The following CDK12 variants were observed in gnomAD, a reference collection of about 807,000 sequenced individuals.
The protein encoded by CDK12 is cyclin dependent kinase 12, also known as cyclin-dependent kinase 12.
In CDK12, 17 loss-of-function variants were observed where a neutral mutation model predicts 133.8. The ratio of observed to expected loss-of-function variants is 0.13; its 90% CI spans 0.09 to 0.19. The LOEUF (loss-of-function observed/expected upper bound fraction) is 0.19, where lower values mean the gene tolerates loss of function less well. Among genes scored for constraint, CDK12 ranks in the 10% least tolerant of loss-of-function variants. The pLI is 1.00. For synonymous variants in CDK12, 694 were observed against 683.6 expected, an observed-to-expected ratio of 1.02 and a Z score of -0.24; for missense variants, 1,508 against 1,818.7, an observed-to-expected ratio of 0.83 and a Z score of 3.11.
chr17:39,507,290 A>T (rs1055730769), intron 6 of CDK12, among the ~76,000 whole-genome samples: 1 of 151,960 alleles, frequency 6.6e-6, no homozygotes, highest in Non-Finnish European at 1.5e-5. Context: ...GGGAGTCAGT[A>T]AAAGTGCTAT....
chr17:39,539,015 C>T (rs963187795), downstream of CDK12, among the ~76,000 whole-genome samples: 2 of 152,148 alleles, frequency 1.3e-5, no homozygotes, highest in African/African-American at 4.8e-5. Context: ...ACGTTTTTCT[C>T]TCTAACCACA....
intron 2 of CDK12, among the ~76,000 whole-genome samples, chr17:39,480,595 G>C (rs2050567056): frequency 6.6e-6 from 1 of 151,744 alleles, no homozygotes; most frequent in Non-Finnish European, 1.5e-5. Context: ...CTAATTTTTT[G>C]TATGTGTAGT....
intron 10 of CDK12, among the ~76,000 whole-genome samples, 160 bp downstream of exon 10, chr17:39,517,716 C>G (rs950028443): frequency 6.6e-6 from 1 of 152,134 alleles, no homozygotes; most frequent in Admixed American, 6.5e-5. Flanking sequence ...TATCATAGCC[C>G]TTTTGTAATT....
chr17:39,544,500 C>A, upstream of CDK12: 1 of 287,250 alleles, frequency 3.5e-6, no homozygotes. Flanking sequence ...TTTTTTGAGA[C>A]AGAGTCTCAC....
chr17:39,472,532 G>C (rs2049871753), intron 2 of CDK12, among the ~76,000 whole-genome samples: 1 of 151,962 alleles, frequency 6.6e-6, no homozygotes, highest in East Asian at 2.0e-4. Context: ...AAATTAGCTG[G>C]GCGTGGTGGT....
intron 2 of CDK12, among the ~76,000 whole-genome samples, chr17:39,482,327 A>G (rs761403381): frequency 2.2e-4 from 33 of 151,918 alleles, no homozygotes; most frequent in Non-Finnish European, 3.1e-4. Context: ...CTGTTTTTCT[A>G]ATAGCCTTGT....
At chr17:39,481,846 A>G (rs2050736482) in intron 2 of CDK12, among the ~76,000 whole-genome samples, 1 of 149,624 alleles carries the variant, frequency 6.7e-6, no homozygotes, top group Admixed American at 6.7e-5. Context: ...TCACCCTCCC[A>G]AGTAGCTGGG....
chr17:39,480,808 G>A (rs1273219128), intron 2 of CDK12, among the ~76,000 whole-genome samples: 2 of 152,114 alleles, frequency 1.3e-5, no homozygotes, highest in East Asian at 3.8e-4. Context: ...TCAGCTAATG[G>A]TATTTCAAAA....
chr17:39,464,145 ATCAC>A (rs2049132958), intron 1 of CDK12, among the ~76,000 whole-genome samples: 2 of 152,294 alleles, frequency 1.3e-5, no homozygotes, highest in East Asian at 3.9e-4. Context: ...TGTACATAAT[ATCAC>A]TCAGTAAATT....
chr17:39,527,299 C>T (rs190954450), intron 13 of CDK12, among the ~76,000 whole-genome samples: 2 of 152,324 alleles, frequency 1.3e-5, no homozygotes, highest in African/African-American at 4.8e-5. Context: ...GTAGAGATGC[C>T]GTAACTAATT....
At position 39,519,953 on chromosome 17, in the gene CDK12, T is replaced by A. The variant is rs1341029846; in HGVS notation, c.2964-3T>A. 1.2e-6 allele frequency: 2 copies of A among 1,613,586 alleles called. No homozygotes were observed. The highest frequency in any genetic ancestry group is 3.3e-5 in the Admixed American group (2 of 59,976). On this transcript the variant is annotated splice_polypyrimidine_tract_variant and splice_region_variant and intron_variant, in intron 10 of 13. Coordinates refer to ENST00000447079, the MANE Select transcript of CDK12 (RefSeq NM_016507.4). ...CTTGTCCTTTCTGTGTTCTTTTCCA[T>A]AGCATTCCTTCTGCAGCACTTGATT...
chr17:39,539,851 A>G (rs1246461993), intron 1 of CDK12, among the ~76,000 whole-genome samples: 1 of 152,238 alleles, frequency 6.6e-6, no homozygotes, highest in East Asian at 1.9e-4. Flanking sequence ...CAGTGGGAGG[A>G]ATCTCATGGA....
chr17:39,472,673 C>A (rs1195842443), intron 2 of CDK12, among the ~76,000 whole-genome samples: 2 of 152,110 alleles, frequency 1.3e-5, no homozygotes, highest in Non-Finnish European at 2.9e-5. Context: ...CACTTTACTT[C>A]TAAATATTTC....
intron 9 of CDK12, among the ~76,000 whole-genome samples, chr17:39,516,031 C>T (rs2053781929): frequency 6.6e-6 from 1 of 152,128 alleles, no homozygotes; most frequent in Non-Finnish European, 1.5e-5. Context: ...TTTTTATTAG[C>T]TCTTCATATA....
chr17:39,492,717 C>G, intron 3 of CDK12, 34 bp from the exon 4 acceptor site: 2 of 1,536,038 alleles, frequency 1.3e-6, no homozygotes, highest in Non-Finnish European at 1.8e-6. Context: ...CCTTCATTTT[C>G]TTAAATAACT....
intron 7 of CDK12, among the ~76,000 whole-genome samples, chr17:39,510,797 G>A (rs1364267505): frequency 6.6e-6 from 1 of 151,450 alleles, no homozygotes; most frequent in African/African-American, 2.4e-5. Context: ...ATTTTTAGTG[G>A]AGATGGGGTT....
chr17:39,471,229 C>G lies in CDK12; in HGVS notation c.1397C>G (p.Thr466Arg), dbSNP rs775179120. Residue 466 changes from threonine to arginine, a missense_variant, in exon 2 of 14, where the codon ACA (threonine) becomes AGA (arginine). Coordinates refer to ENST00000447079, the MANE Select transcript of CDK12 (RefSeq NM_016507.4). Reference protein sequence around the residue: ...SAPDTELVNVTHLNTEVKNSS... With the variant: ...SAPDTELVNVRHLNTEVKNSS... ...CCAGATACTGAACTGGTGAATGTAA[C>G]ACATCTAAACACAGAGGTAAAAAAT... The G allele has an allele frequency of 6.2e-7, 1 of 1,602,208 alleles. No individual in the cohort carries two copies. The highest frequency in any genetic ancestry group is 8.5e-7 in the Non-Finnish European group (1 of 1,176,220).
rs2146139933 is a variant in CDK12, at chr17:39,501,318, C to T, written c.2488C>T (p.His830Tyr). ...LMGLLESGLV[H>Y]FSEDHIKSFM... ...GGGACTGCTAGAATCTGGTTTGGTG[C>T]ACTTTTCTGAGGACCATATCAAGTC... Residue 830 changes from histidine (H) to tyrosine (Y), a missense_variant, in exon 6 of 14, where the codon CAC (histidine) becomes TAC (tyrosine). Coordinates refer to ENST00000447079, the MANE Select transcript of CDK12 (RefSeq NM_016507.4). 4 of 1,613,208 alleles carry T rather than the reference C, an allele frequency of 2.5e-6. No homozygotes were observed. Among genetic ancestry groups the T allele is most frequent in the Non-Finnish European group, 3.4e-6 (4 of 1,179,704 alleles).
intron 2 of CDK12, among the ~76,000 whole-genome samples, chr17:39,551,761 C>G (rs1424786432): frequency 6.6e-6 from 1 of 152,110 alleles, no homozygotes; most frequent in Non-Finnish European, 1.5e-5. Context: ...CCAGCTGTAC[C>G]CATCCCCAAC....
Sources: gnomAD v4.1 joint callset for allele counts (sites outside exome capture counted in the v4.1 genomes callset) on GRCh38, gnomAD v4.1.1 for gene constraint, MANE v1.5 for transcripts, NCBI Gene and HGNC (gene_info 2026-07-23, HGNC 2026-07-21) for gene names.